MTMR7: variants seen among roughly 807,000 people sequenced by gnomAD.
The protein encoded by MTMR7 is myotubularin related protein 7, also known as phosphatidylinositol-3-phosphate phosphatase MTMR7.
In MTMR7, 76 loss-of-function variants were observed where a neutral mutation model predicts 81.2. That is an observed-to-expected ratio of 0.94 (90% CI 0.78 to 1.13). MTMR7 has a LOEUF of 1.13. Ranked by LOEUF, MTMR7 falls within the 50% of genes most tolerant of loss-of-function variation. MTMR7 has a pLI of 0.00. For missense variants in MTMR7, 1,044 were observed against 820.0 expected (o/e 1.27, Z -3.34); for synonymous variants, 372 against 289.8 (o/e 1.28, Z -2.88).
chr8:17,410,384 A>C (rs913612568), intron 1 of MTMR7, among the ~76,000 whole-genome samples: 5 of 152,208 alleles, frequency 3.3e-5, no homozygotes, highest in South Asian at 2.1e-4. Flanking sequence ...AAACACTTCA[A>C]GCTACTTCCA....
chr8:17,317,753 A>C (rs977201515), intron 7 of MTMR7, among the ~76,000 whole-genome samples: 1 of 152,110 alleles, frequency 6.6e-6, no homozygotes, highest in African/African-American at 2.4e-5. Flanking sequence ...CTGCACTTCT[A>C]TTTAGCTTAC....
chr8:17,377,178 C>A (rs1820616037), intron 1 of MTMR7, among the ~76,000 whole-genome samples: 1 of 152,056 alleles, frequency 6.6e-6, no homozygotes, highest in South Asian at 2.1e-4. Context: ...TTTCAACATA[C>A]AAAGTATTTA....
chr8:17,354,146 G>C (rs549211428), intron 4 of MTMR7, among the ~76,000 whole-genome samples: 3 of 152,282 alleles, frequency 2.0e-5, no homozygotes, highest in Non-Finnish European at 4.4e-5. Context: ...GAAACTGAGA[G>C]ATATCTATAC....
At chr8:17,379,985 T>C (rs2150571441) in intron 1 of MTMR7, among the ~76,000 whole-genome samples, 1 of 152,172 alleles carries the variant, frequency 6.6e-6, no homozygotes. Context: ...GGGAGAGTAA[T>C]TAAGGAAGAG....
chr8:17,333,083 A>C (rs1819096492), intron 6 of MTMR7, among the ~76,000 whole-genome samples: 1 of 152,156 alleles, frequency 6.6e-6, no homozygotes, highest in African/African-American at 2.4e-5. Context: ...CCAGGCTGGC[A>C]GACACCTCAC....
chr8:17,352,943 TG>T (rs1191585543), intron 4 of MTMR7, among the ~76,000 whole-genome samples: 2 of 152,178 alleles, frequency 1.3e-5, no homozygotes, highest in Admixed American at 6.5e-5. Flanking sequence ...ATCTCACTTC[TG>T]GATGTATGCC....
At chr8:17,310,151 C>T (rs1817702645) in intron 9 of MTMR7, among the ~76,000 whole-genome samples, 1 of 152,038 alleles carries the variant, frequency 6.6e-6, no homozygotes, top group African/African-American at 2.4e-5. Flanking sequence ...GTGGGCTCCA[C>T]CACACCTGGC....
At position 17,334,105 on chromosome 8, in the gene MTMR7, C is replaced by A. The variant is rs75275207; in HGVS notation, c.733-2823G>T. 7.2e-5 allele frequency among the ~76,000 whole-genome samples: 11 copies of A among 152,262 alleles called. No homozygotes were observed. In the East Asian group the frequency reaches 2.1e-3, roughly 29 times the overall value. The stretch of plus-strand genomic sequence containing the variant: ...AAAAGCAAAGCAGCAACACAAATAA[C>A]CTCCTGAACATCAATGTGCACTTCT... On this transcript the variant is annotated intron_variant, in intron 6 of 13. Coordinates refer to ENST00000180173, the MANE Select transcript of MTMR7 (RefSeq NM_004686.5).
chr8:17,403,392 T>C (rs944549487), intron 1 of MTMR7, among the ~76,000 whole-genome samples: 9 of 152,164 alleles, frequency 5.9e-5, no homozygotes, highest in Non-Finnish European at 1.3e-4. Flanking sequence ...ACTGTAGGTG[T>C]GTGGATTTGT....
At chr8:17,337,027 A>T (rs1186582791) in intron 6 of MTMR7, among the ~76,000 whole-genome samples, 1 of 152,078 alleles carries the variant, frequency 6.6e-6, no homozygotes, top group Non-Finnish European at 1.5e-5. Context: ...AAAAGAAACA[A>T]AACAAAACAA....
chr8:17,314,005 C>T (rs894917567), intron 7 of MTMR7, among the ~76,000 whole-genome samples: 1 of 152,128 alleles, frequency 6.6e-6, no homozygotes, highest in Non-Finnish European at 1.5e-5. Flanking sequence ...TAGAGGCTTT[C>T]CCTTTGAGTG....
chr8:17,360,498 A>C (rs1256498395), intron 4 of MTMR7, among the ~76,000 whole-genome samples: 1 of 151,336 alleles, frequency 6.6e-6, no homozygotes, highest in Non-Finnish European at 1.5e-5. Flanking sequence ...TTCCTTTTGT[A>C]AACTATCTAG....
chr8:17,389,558 A>G (rs1821042725), intron 1 of MTMR7, among the ~76,000 whole-genome samples: 1 of 152,242 alleles, frequency 6.6e-6, no homozygotes, highest in Non-Finnish European at 1.5e-5. Context: ...CCTGATGCCA[A>G]GCACAGATGC....
intron 7 of MTMR7, among the ~76,000 whole-genome samples, chr8:17,318,519 A>G (rs574951421): frequency 4.6e-4 from 70 of 152,220 alleles, no homozygotes; most frequent in African/African-American, 1.5e-3. Context: ...TCCCACAAAC[A>G]TAACGGATAG....
chr8:17,341,324 C>T lies in MTMR7; in HGVS notation c.732+39G>A, dbSNP rs371565208. The T allele has an allele frequency of 1.2e-5, 19 of 1,609,722 alleles. No individual in the cohort carries two copies. In the African/African-American group the frequency reaches 2.1e-4, roughly 18 times the overall value. ...CCTTTGCCTGTCTCCAGTTTCACAACTCAGGTGCAAAGACATGCATCGCAA... is the reference window on the plus strand; with the variant it reads ...CCTTTGCCTGTCTCCAGTTTCACAATTCAGGTGCAAAGACATGCATCGCAA... On this transcript the variant is annotated intron_variant, in intron 6 of 13. Coordinates refer to ENST00000180173, the MANE Select transcript of MTMR7 (RefSeq NM_004686.5).
At chr8:17,388,220 T>C (rs572332657) in intron 1 of MTMR7, among the ~76,000 whole-genome samples, 3 of 152,298 alleles carry the variant, frequency 2.0e-5, no homozygotes, top group Admixed American at 6.5e-5. Context: ...GAACATGCAC[T>C]GTTGAACAAG....
chr8:17,322,134 C>CAA (rs5889708), intron 7 of MTMR7, among the ~76,000 whole-genome samples: 64,064 of 151,754 alleles, frequency 0.42, 15,569 homozygotes, highest in East Asian at 0.78. Context: ...TGAGTTCTGC[C>CAA]TGTTGGCTCT....
At chr8:17,334,566 CTGTT>C (rs1819165016) in intron 6 of MTMR7, among the ~76,000 whole-genome samples, 1 of 152,190 alleles carries the variant, frequency 6.6e-6, no homozygotes, top group African/African-American at 2.4e-5. Context: ...GGTTCATTTG[CTGTT>C]TGATAATATC....
chr8:17,391,600 A>AT (rs1312512063), intron 1 of MTMR7, among the ~76,000 whole-genome samples: 1 of 152,158 alleles, frequency 6.6e-6, no homozygotes, highest in Admixed American at 6.5e-5. Flanking sequence ...AAAAGGCAGA[A>AT]TCCCTTCCTT....
Sources: allele counts gnomAD v4.1 joint callset (sites outside exome capture counted in the v4.1 genomes callset), GRCh38; gene constraint gnomAD v4.1.1; transcripts MANE v1.5; gene names NCBI Gene and HGNC (gene_info 2026-07-23, HGNC 2026-07-21).